The following KIF26B variants were observed in gnomAD, a reference collection of about 807,000 sequenced individuals.
The protein encoded by KIF26B is kinesin family member 26B.
In KIF26B, 63 loss-of-function variants were observed where a neutral mutation model predicts 151.2. The observed-to-expected ratio is 0.42, with a 90% confidence interval of 0.34 to 0.51. KIF26B has a LOEUF of 0.51. KIF26B is among the 20% of genes least tolerant of loss of function. The pLI is 0.07. For synonymous variants in KIF26B, 1,357 were observed against 1,262.1 expected, an observed-to-expected ratio of 1.08 and a Z score of -1.59; for missense variants, 2,813 against 2,913.6, an observed-to-expected ratio of 0.97 and a Z score of 0.79.
chr1:245,171,271 C>T (rs192244809), intron 2 of KIF26B, among the ~76,000 whole-genome samples: 1,873 of 152,280 alleles, frequency 0.012, 14 homozygotes, highest in Non-Finnish European at 0.016. Flanking sequence ...GGGGCCCGCA[C>T]GGTGGCTCAC....
At chr1:245,545,102 A>ATTTT (rs58563353) in intron 5 of KIF26B, among the ~76,000 whole-genome samples, 1 of 139,210 alleles carries the variant, frequency 7.2e-6, no homozygotes, top group Non-Finnish European at 1.6e-5. Context: ...ATACACAGCA[A>ATTTT]TTTTTTTTTT....
intron 10 of KIF26B, among the ~76,000 whole-genome samples, chr1:245,683,253 C>G (rs1312508093): frequency 6.6e-6 from 1 of 152,144 alleles, no homozygotes; most frequent in Non-Finnish European, 1.5e-5. Context: ...ACGAATTCCT[C>G]TCATCTGGAA....
At chr1:245,381,574 T>C (rs1673410082) in intron 3 of KIF26B, among the ~76,000 whole-genome samples, 1 of 152,176 alleles carries the variant, frequency 6.6e-6, no homozygotes, top group Admixed American at 6.5e-5. Context: ...CTTCTTCCAA[T>C]GTGGCCCAGG....
At position 245,352,944 on chromosome 1, in the gene KIF26B, A is replaced by G. The variant is rs1672602440; in HGVS notation, c.466-13890A>G. Among the ~76,000 whole-genome samples, 1 of 152,104 alleles carries G rather than the reference A, an allele frequency of 6.6e-6. No homozygotes were observed. The highest frequency in any genetic ancestry group is 1.5e-5 in the Non-Finnish European group (1 of 68,020). On this transcript the variant is annotated intron_variant, in intron 2 of 14. Transcript: ENST00000407071. The surrounding 1 kb of genome is among the most constrained non-coding windows in gnomAD (Gnocchi z 5.0). ...TTTTGCTTTTTACTCTTTTCCACTG[A>G]GTCTGCTCATATTATTCATACGATT...
chr1:245,534,907 C>T (rs546214036), intron 4 of KIF26B, among the ~76,000 whole-genome samples: 2 of 152,068 alleles, frequency 1.3e-5, no homozygotes, highest in South Asian at 2.1e-4. Flanking sequence ...CTCAGCCACC[C>T]GAGTAGCTGG....
intron 2 of KIF26B, among the ~76,000 whole-genome samples, chr1:245,268,339 G>A (rs1361098601): frequency 1.3e-5 from 2 of 151,686 alleles, no homozygotes; most frequent in Admixed American, 6.6e-5. Flanking sequence ...AGGCATGGTG[G>A]CACACGCCTG....
rs139403542 is a variant in KIF26B at position 245,698,121 on chromosome 1, G to A, written c.5840G>A (p.Arg1947Lys). 2.0e-4 allele frequency: 315 copies of A among 1,613,908 alleles called. 2 individuals are homozygous for A. In the African/African-American group the frequency reaches 3.4e-3, roughly 18 times the overall value. ...KRSNPGSQRRRLIPALSLDTS... is the reference protein window; with the variant it reads ...KRSNPGSQRRKLIPALSLDTS... ...CCCTCCTCAGGTTCTCAGAGACGGAGGCTTATCCCAGCACTATCCCTGGAC... is the reference window on the plus strand; with the variant it reads ...CCCTCCTCAGGTTCTCAGAGACGGAAGCTTATCCCAGCACTATCCCTGGAC... Residue 1947 changes from arginine to lysine, a missense_variant, in exon 13 of 15, where the codon AGG becomes AAG. Coordinates refer to ENST00000407071, the MANE Select transcript of KIF26B (RefSeq NM_018012.4). This position sits in a 1 kb window ranked among gnomAD's most constrained non-coding sequence, Gnocchi z 4.0.
intron 2 of KIF26B, among the ~76,000 whole-genome samples, chr1:245,202,434 T>C (rs901885063): frequency 6.6e-6 from 1 of 152,148 alleles, no homozygotes; most frequent in Admixed American, 6.5e-5. Context: ...CATTACTTCA[T>C]TTTTCTGAAC....
chr1:245,301,621 G>A (rs374075865), intron 2 of KIF26B, among the ~76,000 whole-genome samples: 8 of 152,242 alleles, frequency 5.3e-5, no homozygotes, highest in African/African-American at 1.7e-4. Context: ...TTGTAGGCAC[G>A]TCTTCATCTG....
chr1:245,574,820 C>T (rs984478292), intron 5 of KIF26B, among the ~76,000 whole-genome samples: 3 of 147,368 alleles, frequency 2.0e-5, no homozygotes, highest in Admixed American at 2.0e-4. Flanking sequence ...GAATTGTGCT[C>T]TTTAGGGAAG....
chr1:245,532,512 T>C (rs1481457873), intron 4 of KIF26B, among the ~76,000 whole-genome samples: 1 of 152,142 alleles, frequency 6.6e-6, no homozygotes, highest in African/African-American at 2.4e-5. Flanking sequence ...CCCAAAGTGC[T>C]GGGATTACAG....
chr1:245,678,666 A>G (rs548316626), intron 10 of KIF26B, among the ~76,000 whole-genome samples: 1 of 152,040 alleles, frequency 6.6e-6, no homozygotes, highest in Admixed American at 6.6e-5. Context: ...GATTGAGACC[A>G]TCGTGGCCAA....
rs1210795643 is a variant in KIF26B at position 245,563,440 on chromosome 1, A to G, written c.1350+22490A>G. On this transcript the variant is annotated intron_variant, in intron 5 of 14. Transcript: ENST00000407071. The surrounding 1 kb of genome is among the most constrained non-coding windows in gnomAD (Gnocchi z 4.6). ...TATACCCTCTTGCTCCCGAATCATT[A>G]AGAACTCCTGCCCATTGGATGATGT... Among the ~76,000 whole-genome samples, 2 of 152,208 alleles carry G rather than the reference A, an allele frequency of 1.3e-5. No homozygotes were observed. Among genetic ancestry groups the G allele is most frequent in the Non-Finnish European group, 2.9e-5 (2 of 68,032 alleles).
At chr1:245,349,559 C>CA (rs58254627) in intron 2 of KIF26B, among the ~76,000 whole-genome samples, 6,477 of 75,496 alleles carry the variant, frequency 0.086, 208 homozygotes, top group Middle Eastern at 0.16. Context: ...AAATAAACTT[C>CA]AAAAAAAAAA....
chr1:245,285,061 A>G (rs1434021083), intron 2 of KIF26B, among the ~76,000 whole-genome samples: 1 of 152,138 alleles, frequency 6.6e-6, no homozygotes, highest in Non-Finnish European at 1.5e-5. Context: ...AAACAAGCGA[A>G]CAAAAACAAT....
At chr1:245,678,271 T>A (rs74156618) in intron 10 of KIF26B, among the ~76,000 whole-genome samples, 5,648 of 151,868 alleles carry the variant, frequency 0.037, 354 homozygotes, top group African/African-American at 0.13. Flanking sequence ...CCCTGGGGTT[T>A]GGGGCCTAGG....
At chr1:245,369,014 T>C (rs1359782762) in intron 3 of KIF26B, among the ~76,000 whole-genome samples, 2 of 152,066 alleles carry the variant, frequency 1.3e-5, no homozygotes, top group Non-Finnish European at 2.9e-5. Flanking sequence ...GGCATGCGCC[T>C]GTAGTGTCAG....
chr1:245,581,142 G>T (rs145164507), intron 5 of KIF26B, among the ~76,000 whole-genome samples: 2 of 152,282 alleles, frequency 1.3e-5, no homozygotes, highest in African/African-American at 4.8e-5. Flanking sequence ...CACATGAGGA[G>T]AAATCAAATG....
chr1:245,375,469 G>A lies in KIF26B; in HGVS notation c.999+8102G>A, dbSNP rs180933841. Among the ~76,000 whole-genome samples the A allele has an allele frequency of 4.6e-5, 7 of 152,264 alleles. No homozygotes were observed. The highest frequency in any genetic ancestry group is 1.3e-4 in the Admixed American group (2 of 15,296). On this transcript the variant is annotated intron_variant, in intron 3 of 14. Transcript: ENST00000407071. This position sits in a 1 kb window ranked among gnomAD's most constrained non-coding sequence, Gnocchi z 4.2. Reference sequence around the variant, plus strand: ...GGAGGATCAGAACCAGAGAGAGGAGGTGGAAGGACAGAAGCAGAGGTCAGA... The same window carrying A: ...GGAGGATCAGAACCAGAGAGAGGAGATGGAAGGACAGAAGCAGAGGTCAGA...
Sources: gnomAD v4.1 joint callset for allele counts (sites outside exome capture counted in the v4.1 genomes callset) on GRCh38, gnomAD v4.1.1 for gene constraint, Gnocchi (gnomAD v3.1) non-coding constraint, MANE v1.5 for transcripts, NCBI Gene and HGNC (gene_info 2026-07-23, HGNC 2026-07-21) for gene names.